TMEM132D: variants seen among roughly 807,000 people sequenced by gnomAD.
TMEM132D encodes the protein mature OL transmembrane protein.
Under a neutral mutation model 62.3 loss-of-function variants are expected in TMEM132D, and 21 were observed. The observed-to-expected ratio is 0.34, with a 90% CI of 0.24 to 0.49. The LOEUF (loss-of-function observed/expected upper bound fraction) is 0.49. Among genes scored for constraint, TMEM132D ranks in the 20% least tolerant of loss-of-function variants. The pLI is 0.99. For missense variants in TMEM132D, 1,346 were observed against 1,402.8 expected (o/e 0.96, Z 0.65); for synonymous variants, 621 against 575.6 (o/e 1.08, Z -1.13).
At chr12:129,338,831 C>T (rs1869373957) in intron 3 of TMEM132D, among the ~76,000 whole-genome samples, 1 of 152,210 alleles carries the variant, frequency 6.6e-6, no homozygotes, top group Non-Finnish European at 1.5e-5. Context: ...CCGTCAATCT[C>T]ACCCAAGTTT....
At chr12:129,156,745 C>T (rs1371360211) in intron 5 of TMEM132D, among the ~76,000 whole-genome samples, 1 of 151,970 alleles carries the variant, frequency 6.6e-6, no homozygotes, top group African/African-American at 2.4e-5. Flanking sequence ...AACCAAATCA[C>T]TTCCATGATA....
chr12:129,205,771 A>G (rs1192859948), intron 5 of TMEM132D, among the ~76,000 whole-genome samples: 1 of 152,018 alleles, frequency 6.6e-6, no homozygotes, highest in African/African-American at 2.4e-5. Flanking sequence ...CAGACATAAA[A>G]CAATCCTTAG....
intron 1 of TMEM132D, among the ~76,000 whole-genome samples, chr12:129,848,864 C>A (rs558258927): frequency 1.3e-5 from 2 of 152,314 alleles, no homozygotes; most frequent in South Asian, 4.1e-4. Context: ...GAAGTGAATT[C>A]TCCTACCACC....
At chr12:129,626,313 C>G (rs2043998720) in intron 2 of TMEM132D, among the ~76,000 whole-genome samples, 1 of 152,180 alleles carries the variant, frequency 6.6e-6, no homozygotes, top group Admixed American at 6.5e-5. Context: ...TAATCGAAGA[C>G]AGGATGTGCA....
chr12:129,544,858 T>C (rs1453293230), intron 2 of TMEM132D, among the ~76,000 whole-genome samples: 1 of 152,210 alleles, frequency 6.6e-6, no homozygotes. Flanking sequence ...ACATCGGTAG[T>C]TCTCTGAGAC....
intron 4 of TMEM132D, among the ~76,000 whole-genome samples, chr12:129,240,888 C>T (rs1879918658): frequency 6.6e-6 from 1 of 152,120 alleles, no homozygotes; most frequent in African/African-American, 2.4e-5. Flanking sequence ...GAGACATCTC[C>T]TCAATCTCCC....
rs181556630 is a variant in TMEM132D, at chr12:129,531,131, C to T, written c.1043G>A (p.Arg348His). The T allele has an allele frequency of 2.2e-4, 350 of 1,613,902 alleles. No homozygotes were observed. Among genetic ancestry groups the T allele is most frequent in the Non-Finnish European group, 2.9e-4 (338 of 1,179,896 alleles). The change falls in exon 3 of 9, where the codon CGC becomes CAC. Residue 348 changes from arginine to histidine, a missense_variant. Coordinates refer to ENST00000422113, the MANE Select transcript of TMEM132D (RefSeq NM_133448.3). ...SSPSIWDVKERTDYTGKYAPA... is the reference protein window; with the variant it reads ...SSPSIWDVKEHTDYTGKYAPA... ...TGCATACTTTCCAGTATAATCCGTG[C>T]GCTCCTTGACATCCCAAATGGAAGG...
At chr12:129,100,182 AGGCACCTACCACCACCCCT>A (rs761872968) in intron 5 of TMEM132D, among the ~76,000 whole-genome samples, 1 of 152,148 alleles carries the variant, frequency 6.6e-6, no homozygotes, top group African/African-American at 2.4e-5. Flanking sequence ...GTGGAATTGC[AGGCACCTACCACCACCCCT>A]GGCTAATTTT....
At chr12:129,416,827 T>G (rs1161482389) in intron 3 of TMEM132D, among the ~76,000 whole-genome samples, 2 of 152,216 alleles carry the variant, frequency 1.3e-5, no homozygotes, top group Non-Finnish European at 2.9e-5. Context: ...TTGGTTCTGT[T>G]TATGTGATGG....
In TMEM132D at chr12:129,293,758, G is replaced by A. The variant is rs531382688; in HGVS notation, c.1299+43876C>T. Among the ~76,000 whole-genome samples the A allele has an allele frequency of 7.9e-5, 12 of 152,270 alleles. No individual in the cohort carries two copies. In the South Asian group the frequency reaches 2.5e-3, roughly 32 times the overall value. On this transcript the variant is annotated intron_variant, in intron 4 of 8. Coordinates refer to ENST00000422113, the MANE Select transcript of TMEM132D (RefSeq NM_133448.3). Reference sequence around the variant, plus strand: ...GAGAATCTAATGCTGCCACTGATCTGACAGGAGGTAGAGCTTGGGTAGTAA... The same window carrying A: ...GAGAATCTAATGCTGCCACTGATCTAACAGGAGGTAGAGCTTGGGTAGTAA...
At chr12:129,177,832 G>A (rs527824863) in intron 5 of TMEM132D, among the ~76,000 whole-genome samples, 2 of 152,296 alleles carry the variant, frequency 1.3e-5, no homozygotes, top group South Asian at 2.1e-4. Context: ...CGGTAAATGT[G>A]TACCATAGTG....
chr12:129,676,616 G>A (rs544501081), intron 2 of TMEM132D, among the ~76,000 whole-genome samples: 3 of 152,282 alleles, frequency 2.0e-5, no homozygotes, highest in South Asian at 2.1e-4. Flanking sequence ...TTGTGTGAAC[G>A]AACAGAGTGA....
At chr12:129,397,795 A>C (rs1871473482) in intron 3 of TMEM132D, among the ~76,000 whole-genome samples, 1 of 152,190 alleles carries the variant, frequency 6.6e-6, no homozygotes, top group African/African-American at 2.4e-5. Flanking sequence ...TCCAGTTTTG[A>C]GCATTCACAC....
intron 3 of TMEM132D, among the ~76,000 whole-genome samples, chr12:129,352,182 C>CTA (rs1429199330): frequency 6.6e-6 from 1 of 152,174 alleles, no homozygotes; most frequent in Non-Finnish European, 1.5e-5. Context: ...ATAATGTGTA[C>CTA]TAAACAGACC....
intron 5 of TMEM132D, among the ~76,000 whole-genome samples, chr12:129,135,228 C>A (rs1473210296): frequency 6.6e-6 from 1 of 152,170 alleles, no homozygotes; most frequent in Non-Finnish European, 1.5e-5. Flanking sequence ...TCTCCTCTGC[C>A]TGCAGTTTGG....
rs141410732 is a variant in TMEM132D at position 129,382,676 on chromosome 12, T to C, written c.1116-44859A>G. On this transcript the variant is annotated intron_variant, in intron 3 of 8. Coordinates refer to ENST00000422113, the MANE Select transcript of TMEM132D (RefSeq NM_133448.3). ...CCATTTTTACACCATAGCATCTCAT[T>C]CGTCTACCTTGCAAGGGATCTAGAA... Among the ~76,000 whole-genome samples the C allele has an allele frequency of 2.4e-3, 360 of 152,266 alleles. 2 individuals are homozygous for C. Among genetic ancestry groups the C allele is most frequent in the African/African-American group, 8.3e-3 (343 of 41,544 alleles).
chr12:129,829,378 A>C (rs1370700944), intron 1 of TMEM132D, among the ~76,000 whole-genome samples: 1 of 152,056 alleles, frequency 6.6e-6, no homozygotes, highest in Admixed American at 6.6e-5. Context: ...TGGCAATAAG[A>C]CTTGTGAAAT....
At position 129,078,720 on chromosome 12, in the gene TMEM132D, C is replaced by T. The variant is rs1874357555; in HGVS notation, c.1929G>A (p.Leu643=). The change falls in exon 8 of 9, where the codon CTG becomes CTA. Residue 643 remains leucine, a synonymous_variant. Coordinates refer to ENST00000422113, the MANE Select transcript of TMEM132D (RefSeq NM_133448.3). ...CGAGGATGGTGTCTGACAGAGGAGA[C>T]AGGATCTGGAGGGCAGAAGCGACAT... is the stretch of plus-strand genomic sequence containing the variant. ...QELGMTTIQI[L]SPLSDTILAE... 1 of 1,613,776 alleles carries T rather than the reference C, an allele frequency of 6.2e-7. No homozygotes were observed. The highest frequency in any genetic ancestry group is 8.5e-7 in the Non-Finnish European group (1 of 1,179,734).
At position 129,449,803 on chromosome 12, in the gene TMEM132D, C is replaced by T. The variant is rs1242451673; in HGVS notation, c.1115+81256G>A. Among the ~76,000 whole-genome samples, 11 of 152,318 alleles carry T rather than the reference C, an allele frequency of 7.2e-5. 1 individual carries two copies. The highest frequency in any genetic ancestry group is 6.5e-4 in the Admixed American group (10 of 15,298). ...CAGGTACACACACAAAACACAGCAA[C>T]CCCGACTCCCCAGACAGAAGCAATG... On this transcript the variant is annotated intron_variant, in intron 3 of 8. Coordinates refer to ENST00000422113, the MANE Select transcript of TMEM132D (RefSeq NM_133448.3).
Sources: gnomAD v4.1 joint callset for allele counts (sites outside exome capture counted in the v4.1 genomes callset) on GRCh38, gnomAD v4.1.1 for gene constraint, MANE v1.5 for transcripts, NCBI Gene and HGNC (gene_info 2026-07-23, HGNC 2026-07-21) for gene names.